CCNY: variants seen among roughly 807,000 people sequenced by gnomAD.
The protein encoded by CCNY is cyclin-Y.
A neutral mutation model predicts 42.8 loss-of-function variants in CCNY; 19 were observed. The observed-to-expected ratio is 0.44, with a 90% confidence interval of 0.31 to 0.65. CCNY has a LOEUF of 0.65. CCNY is among the 30% of genes least tolerant of loss of function. The pLI is 0.07. For missense variants in CCNY, 370 were observed against 437.3 expected (o/e 0.85, Z 1.37); for synonymous variants, 165 against 162.7 (o/e 1.01, Z -0.11).
At chr10:35,548,813 T>G (rs1841177389) in intron 7 of CCNY, among the ~76,000 whole-genome samples, 1 of 152,048 alleles carries the variant, frequency 6.6e-6, no homozygotes, top group Non-Finnish European at 1.5e-5. Context: ...TATTAGTGGA[T>G]CCACACAGCT....
Position 35,571,217 on chromosome 10 carries a change from T to A in CCNY, c.*2047T>A, listed in dbSNP as rs889480712. ...GTTCTGCTGCCGTAAAGGCAGAAAT[T>A]TTATTTTTATCCCTTTTATTTGAAT... On this transcript the variant is annotated 3_prime_UTR_variant, in exon 10 of 10. Transcript: ENST00000374704. The A allele has an allele frequency of 1.3e-5, 2 of 152,238 alleles. No individual in the cohort carries two copies. The highest frequency in any genetic ancestry group is 2.9e-5 in the Non-Finnish European group (2 of 68,038). 9.4% of individuals were successfully genotyped at this position (152,238 alleles called of 1,614,324 possible).
chr10:35,311,778 G>T (rs1265199083), intron 3 of CCNY, among the ~76,000 whole-genome samples: 1 of 151,072 alleles, frequency 6.6e-6, no homozygotes, highest in South Asian at 2.1e-4. Flanking sequence ...TTAAGCACAG[G>T]AGTTCAAAAC....
intron 1 of CCNY, among the ~76,000 whole-genome samples, chr10:35,341,715 G>A (rs190641014): frequency 7.9e-5 from 12 of 152,328 alleles, no homozygotes; most frequent in African/African-American, 1.9e-4. Flanking sequence ...TGAAAGTAGC[G>A]TGGATGTGAA....
At chr10:35,402,787 T>C (rs1837671283) in intron 1 of CCNY, among the ~76,000 whole-genome samples, 1 of 152,152 alleles carries the variant, frequency 6.6e-6, no homozygotes, top group Admixed American at 6.5e-5. Context: ...TTCTGTCCAC[T>C]TCAAGAGAGA....
intron 3 of CCNY, among the ~76,000 whole-genome samples, chr10:35,273,503 C>T (rs1250666913): frequency 6.6e-6 from 1 of 152,028 alleles, no homozygotes; most frequent in Non-Finnish European, 1.5e-5. Context: ...CTGTGGCCGG[C>T]GATCCTCCTC....
At position 35,257,028 on chromosome 10, in the gene CCNY, G is replaced by A. The variant is rs376193858; in HGVS notation, c.-9+6402G>A. Among the ~76,000 whole-genome samples the A allele has an allele frequency of 1.8e-4, 27 of 152,156 alleles. 2 individuals carry two copies. Among genetic ancestry groups the A allele is most frequent in the African/African-American group, 6.5e-4 (27 of 41,506 alleles). On this transcript the variant is annotated intron_variant, in intron 3 of 11. Coordinates refer to the CCNY transcript ENST00000374706. ...ACAAAAAGTGAAGTTAAAAACCCTT[G>A]TTACAATAATACCACCTTGTATAAT...
chr10:35,248,024 C>T (rs1222522163), intron 1 of CCNY: 1 of 152,044 alleles, frequency 6.6e-6, no homozygotes, highest in East Asian at 1.9e-4. Flanking sequence ...CAGGAACTGT[C>T]ACAAACAGCA....
chr10:35,265,505 T>G (rs1470719453), intron 3 of CCNY, among the ~76,000 whole-genome samples: 2 of 152,342 alleles, frequency 1.3e-5, no homozygotes, highest in East Asian at 3.9e-4. Context: ...GGTGCATAAA[T>G]CAGTTACTTC....
chr10:35,411,289 G>A (rs1374441305), intron 1 of CCNY, among the ~76,000 whole-genome samples: 1 of 152,084 alleles, frequency 6.6e-6, no homozygotes, highest in Non-Finnish European at 1.5e-5. Flanking sequence ...GAGGCAGGAG[G>A]ATAACCTGAG....
At chr10:35,479,048 A>G (rs1839592389) in intron 1 of CCNY, among the ~76,000 whole-genome samples, 1 of 152,116 alleles carries the variant, frequency 6.6e-6, no homozygotes, top group Admixed American at 6.5e-5. Context: ...AATCAAAACC[A>G]CAATGAGATA....
At chr10:35,377,975 G>GA (rs1343700647) in intron 1 of CCNY, among the ~76,000 whole-genome samples, 1 of 152,222 alleles carries the variant, frequency 6.6e-6, no homozygotes, top group African/African-American at 2.4e-5. Flanking sequence ...GATTGGAAAA[G>GA]AAAGGAGTAT....
At position 35,336,562 on chromosome 10, in the gene CCNY, C is replaced by T. The variant is rs1000629570; in HGVS notation, c.-492C>T. Among the ~76,000 whole-genome samples, 20 of 148,904 alleles carry T rather than the reference C, an allele frequency of 1.3e-4. No individual in the cohort carries two copies. Among genetic ancestry groups the T allele is most frequent in the Admixed American group, 2.7e-4 (4 of 15,008 alleles). On this transcript the variant is annotated 5_prime_UTR_variant, in exon 1 of 10. The change creates a new upstream start codon in the 5' untranslated region. Transcript: ENST00000374704. ...GCGAGGAGTCCGGGGGCTGCGCCCACGCCCGCTGCCCGCCCGCTCGTCGGC... is the reference window on the plus strand; with the variant it reads ...GCGAGGAGTCCGGGGGCTGCGCCCATGCCCGCTGCCCGCCCGCTCGTCGGC...
At chr10:35,386,919 G>T (rs1837311610) in intron 1 of CCNY, among the ~76,000 whole-genome samples, 1 of 152,128 alleles carries the variant, frequency 6.6e-6, no homozygotes, top group Non-Finnish European at 1.5e-5. Context: ...TGAAAAGCTG[G>T]CAGTGGCCCA....
intron 3 of CCNY, among the ~76,000 whole-genome samples, chr10:35,284,440 A>C (rs1835331674): frequency 6.6e-6 from 1 of 152,128 alleles, no homozygotes; most frequent in African/African-American, 2.4e-5. Context: ...ATTTCCTTAT[A>C]GTGCCTTTTA....
intron 7 of CCNY, among the ~76,000 whole-genome samples, chr10:35,542,877 AAAT>A (rs1381112409): frequency 6.6e-6 from 1 of 152,214 alleles, no homozygotes; most frequent in Admixed American, 6.5e-5. Context: ...AATTGCTGGC[AAAT>A]AATAAGTGGT....
At chr10:35,465,836 C>G (rs1044754006) in intron 1 of CCNY, among the ~76,000 whole-genome samples, 1 of 151,592 alleles carries the variant, frequency 6.6e-6, no homozygotes, top group Non-Finnish European at 1.5e-5. Context: ...GGAGCACTGC[C>G]TATCATTGCT....
chr10:35,405,906 TTCCTTGGCCCAGTG>T (rs1244516527), intron 1 of CCNY, among the ~76,000 whole-genome samples: 1 of 152,230 alleles, frequency 6.6e-6, no homozygotes, highest in African/African-American at 2.4e-5. Context: ...GCTGCGGGCA[TTCCTTGGCCCAGTG>T]GCCAGATTTC....
intron 1 of CCNY, among the ~76,000 whole-genome samples, chr10:35,360,215 A>G (rs577628414): frequency 1.3e-5 from 2 of 151,826 alleles, no homozygotes; most frequent in East Asian, 1.9e-4. Context: ...ACCATATTAT[A>G]TGGGCCTTAT....
intron 1 of CCNY, among the ~76,000 whole-genome samples, chr10:35,389,822 T>C (rs933412217): frequency 5.9e-5 from 9 of 152,254 alleles, no homozygotes; most frequent in African/African-American, 2.2e-4. Context: ...AGTTCAATTC[T>C]TCATGCTTGG....
Sources: gnomAD v4.1 joint callset for allele counts (sites outside exome capture counted in the v4.1 genomes callset) on GRCh38, gnomAD v4.1.1 for gene constraint, MANE v1.5 for transcripts, NCBI Gene and HGNC (gene_info 2026-07-23, HGNC 2026-07-21) for gene names.